The following VLDLR variants were observed in gnomAD, a reference collection of about 807,000 sequenced individuals.
VLDLR encodes very low density lipoprotein receptor.
VLDLR carries 81 observed loss-of-function variants against 112.7 expected under a neutral mutation model. The ratio of observed to expected loss-of-function variants is 0.72; its 90% CI spans 0.60 to 0.86. The LOEUF is 0.86. Among genes scored for constraint, VLDLR ranks in the 40% least tolerant of loss-of-function variants. VLDLR has a pLI of 0.00. For missense variants in VLDLR, 1,237 were observed against 1,099.4 expected (o/e 1.13, Z -1.77); for synonymous variants, 436 against 384.8 (o/e 1.13, Z -1.56).
In VLDLR at chr9:2,645,697, C is replaced by A. The variant is rs756688059; in HGVS notation, c.1436C>A (p.Ala479Asp). 1 of 1,614,194 alleles carries A rather than the reference C, an allele frequency of 6.2e-7. No individual in the cohort carries two copies. ...ACTGTGGCTCTCGATGCTGACATTGCTGCCCAGAAACTATTCTGGGCCGAT... is the reference window on the plus strand; with the variant it reads ...ACTGTGGCTCTCGATGCTGACATTGATGCCCAGAAACTATTCTGGGCCGAT... ...RNTVALDADI[A>D]AQKLFWADLS... The change falls in exon 10 of 19, where the codon GCT becomes GAT. Residue 479 changes from alanine to aspartate, a missense_variant. Transcript: ENST00000382100.
intron 1 of VLDLR, among the ~76,000 whole-genome samples, chr9:2,629,410 G>A (rs907053604): frequency 2.0e-5 from 3 of 152,204 alleles, no homozygotes; most frequent in African/African-American, 7.2e-5. Flanking sequence ...TCAACAACAA[G>A]GCTAAATCTA....
At chr9:2,635,141 A>T (rs538543873) in intron 1 of VLDLR, among the ~76,000 whole-genome samples, 2 of 152,204 alleles carry the variant, frequency 1.3e-5, no homozygotes, top group Non-Finnish European at 2.9e-5. Flanking sequence ...TGGATCCTCT[A>T]TCCTCTTAAG....
At position 2,639,855 on chromosome 9, in the gene VLDLR, G is replaced by T. The variant is rs749734323; in HGVS notation, c.203-4G>T. On this transcript the variant is annotated splice_polypyrimidine_tract_variant and splice_region_variant and intron_variant, in intron 2 of 18. Coordinates refer to ENST00000382100, the MANE Select transcript of VLDLR (RefSeq NM_003383.5). The stretch of plus-strand genomic sequence containing the variant: ...ACTTTAACCCTTCAAATAAACGTTT[G>T]TAGTAAAGAAGACGTGTGCTGAATC... 2 of 1,613,970 alleles carry T rather than the reference G, an allele frequency of 1.2e-6. No homozygotes were observed. The highest frequency in any genetic ancestry group is 2.7e-5 in the African/African-American group (2 of 74,878).
rs1295845545 is a variant in VLDLR, at chr9:2,657,844, G to A, written c.*3976G>A. 1 of 152,114 alleles carries A rather than the reference G, an allele frequency of 6.6e-6. No homozygotes were observed. Among genetic ancestry groups the A allele is most frequent in the Non-Finnish European group, 1.5e-5 (1 of 68,020 alleles). 9.4% of individuals were successfully genotyped at this position (152,114 alleles called of 1,614,324 possible). ...TATATAGTCTCTAAGGCCAGAAGGG[G>A]CTTATAATGACTTCTCTTCTAGAAT... is the stretch of plus-strand genomic sequence containing the variant. On this transcript the variant is annotated 3_prime_UTR_variant, in exon 19 of 19. Coordinates refer to ENST00000382100, the MANE Select transcript of VLDLR (RefSeq NM_003383.5).
intron 1 of VLDLR, among the ~76,000 whole-genome samples, chr9:2,629,808 G>C (rs1475063086): frequency 2.0e-5 from 3 of 151,794 alleles, no homozygotes; most frequent in Non-Finnish European, 4.4e-5. Flanking sequence ...TTGTTTGTTT[G>C]TTTTCGAGAT....
At chr9:2,648,061 G>T (rs1818151187) in intron 12 of VLDLR, 147 bp from the exon 13 acceptor site, 1 of 1,059,534 alleles carries the variant, frequency 9.4e-7, no homozygotes, top group Non-Finnish European at 1.4e-6. Context: ...GGCTCTGCAT[G>T]CTGCTTCGCA....
intron 13 of VLDLR, 86 bp from the exon 14 acceptor site, chr9:2,648,583 T>A: frequency 1.2e-6 from 2 of 1,601,044 alleles, no homozygotes; most frequent in South Asian, 2.2e-5. Context: ...ACTTAGTCCA[T>A]TAAATGAGAA....
intron 7 of VLDLR, 120 bp downstream of exon 7, chr9:2,644,079 G>T (rs1008826514): frequency 3.6e-6 from 5 of 1,403,878 alleles, no homozygotes; most frequent in Non-Finnish European, 4.9e-6. Flanking sequence ...AAGTTCAATT[G>T]TAGACTTCAG....
intron 11 of VLDLR, among the ~76,000 whole-genome samples, chr9:2,646,972 G>A (rs1237080159): frequency 6.6e-6 from 1 of 152,302 alleles, no homozygotes; most frequent in Admixed American, 6.5e-5. Context: ...GCATCTAAGT[G>A]TGCAAGTTGT....
At chr9:2,645,145 A>C (rs1252114019) in intron 9 of VLDLR, 63 bp downstream of exon 9, 1 of 1,610,332 alleles carries the variant, frequency 6.2e-7, no homozygotes, top group East Asian at 2.2e-5. Context: ...TAAAAGGTAC[A>C]GCCAGTGACT....
chr9:2,639,457 A>G (rs928074660), intron 2 of VLDLR, among the ~76,000 whole-genome samples: 8 of 152,218 alleles, frequency 5.3e-5, no homozygotes, highest in Non-Finnish European at 1.5e-5. Context: ...CCCAGCAAGC[A>G]GTTCTACTAT....
chr9:2,649,070 T>C (rs1370455774), intron 14 of VLDLR, among the ~76,000 whole-genome samples: 1 of 152,224 alleles, frequency 6.6e-6, no homozygotes, highest in African/African-American at 2.4e-5. Context: ...CATGTCCCCT[T>C]GGCCTTCAGC....
At chr9:2,653,064 T>A in intron 18 of VLDLR, 115 bp downstream of exon 18, 1 of 1,335,218 alleles carries the variant, frequency 7.5e-7, no homozygotes, top group Non-Finnish European at 1.1e-6. Context: ...ACACTTCATC[T>A]GCTACCTGGC....
rs966039109 is a variant in VLDLR, at chr9:2,658,045, G to T, written c.*4177G>T. On this transcript the variant is annotated 3_prime_UTR_variant, in exon 19 of 19. Coordinates refer to ENST00000382100, the MANE Select transcript of VLDLR (RefSeq NM_003383.5). ...ACTTATTTCCAAATATGGAGGGAATGAATCTGAAGAGGGAACAATGGCGTT... is the reference window on the plus strand; with the variant it reads ...ACTTATTTCCAAATATGGAGGGAATTAATCTGAAGAGGGAACAATGGCGTT... 1.3e-5 allele frequency: 2 copies of T among 152,194 alleles called. No homozygotes were observed. The highest frequency in any genetic ancestry group is 6.5e-5 in the Admixed American group (1 of 15,286). 9.4% of individuals were successfully genotyped at this position (152,194 alleles called of 1,614,324 possible).
chr9:2,651,525 T>G (rs751378722), intron 16 of VLDLR, 27 bp downstream of exon 16: 2 of 1,563,924 alleles, frequency 1.3e-6, no homozygotes, highest in Non-Finnish European at 1.8e-6. Context: ...TGCAAACTGT[T>G]AATCTCAACT....
chr9:2,637,000 G>C (rs1016826277), intron 2 of VLDLR, among the ~76,000 whole-genome samples: 1 of 152,186 alleles, frequency 6.6e-6, no homozygotes, highest in Non-Finnish European at 1.5e-5. Context: ...TCTTGTATAA[G>C]TACTCTCTAC....
intron 2 of VLDLR, among the ~76,000 whole-genome samples, chr9:2,636,084 A>G (rs1249682295): frequency 6.6e-6 from 1 of 152,206 alleles, no homozygotes; most frequent in Non-Finnish European, 1.5e-5. Context: ...AAGCATTAGC[A>G]GGGCGGAAGA....
intron 14 of VLDLR, 40 bp from the exon 15 acceptor site, chr9:2,650,330 C>T: frequency 6.2e-7 from 1 of 1,612,602 alleles, no homozygotes; most frequent in Non-Finnish European, 8.5e-7. Flanking sequence ...ATACTAGGCA[C>T]CGGAATACCC....
intron 7 of VLDLR, among the ~76,000 whole-genome samples, chr9:2,644,320 G>C (rs1194703946): frequency 8.8e-6 from 1 of 114,240 alleles, no homozygotes; most frequent in East Asian, 3.4e-4. Flanking sequence ...CACCACGCCC[G>C]GCTAATTTTT....
Sources: gnomAD v4.1 joint callset for allele counts (sites outside exome capture counted in the v4.1 genomes callset) on GRCh38, gnomAD v4.1.1 for gene constraint, MANE v1.5 for transcripts, NCBI Gene and HGNC (gene_info 2026-07-23, HGNC 2026-07-21) for gene names.